Variants in CEP83 observed in about 807,000 individuals in gnomAD.
CEP83 encodes centrosomal protein 83, also known as centrosomal protein of 83 kDa.
A neutral mutation model predicts 101.9 loss-of-function variants in CEP83; 70 were observed. That is an observed-to-expected ratio of 0.69 (90% confidence interval 0.57 to 0.84). CEP83 has a LOEUF of 0.84. Ranked by LOEUF, CEP83 falls within the 40% of genes least tolerant of loss-of-function variation. The pLI, the probability that CEP83 is intolerant of heterozygous loss-of-function variation, is 0.00. For synonymous variants in CEP83, 264 were observed against 267.9 expected, an observed-to-expected ratio of 0.99 and a Z score of 0.14; for missense variants, 715 against 787.2, an observed-to-expected ratio of 0.91 and a Z score of 1.10.
intron 1 of CEP83, among the ~76,000 whole-genome samples, chr12:94,442,762 T>C (rs766606328): frequency 2.6e-5 from 4 of 152,288 alleles, no homozygotes; most frequent in Non-Finnish European, 4.4e-5. Context: ...AATTTTCTAC[T>C]TGTCTCCTTA....
chr12:94,459,298 G>C (rs1004461583), intron 1 of CEP83, among the ~76,000 whole-genome samples: 7 of 152,162 alleles, frequency 4.6e-5, no homozygotes, highest in African/African-American at 1.4e-4. Context: ...TGGTAGCATA[G>C]CTTTTTCATC....
At chr12:94,279,311 T>C in the CEP83 span, among the ~76,000 whole-genome samples, 1 of 152,220 alleles carries the variant, frequency 6.6e-6, no homozygotes, top group African/African-American at 2.4e-5. Flanking sequence ...CTGAAAAGAA[T>C]GGATTATGGA....
chr12:94,452,958 C>G (rs77102695), intron 1 of CEP83, among the ~76,000 whole-genome samples: 1 of 152,168 alleles, frequency 6.6e-6, no homozygotes, highest in East Asian at 1.9e-4. Context: ...TCCTCTGTTA[C>G]GCTGCTAAAC....
intron 1 of CEP83, among the ~76,000 whole-genome samples, chr12:94,436,964 G>A (rs1267470277): frequency 3.9e-5 from 6 of 152,086 alleles, no homozygotes; most frequent in African/African-American, 1.2e-4. Flanking sequence ...CCCTAAGGAA[G>A]AAGAGAAATC....
At chr12:94,444,497 A>G (rs1005467219) in intron 1 of CEP83, among the ~76,000 whole-genome samples, 6 of 152,252 alleles carry the variant, frequency 3.9e-5, no homozygotes, top group African/African-American at 1.2e-4. Context: ...CTTTTCATTT[A>G]GTAATTCTAA....
At chr12:94,434,687 G>C (rs1481277007) in intron 2 of CEP83, among the ~76,000 whole-genome samples, 1 of 152,152 alleles carries the variant, frequency 6.6e-6, no homozygotes, top group African/African-American at 2.4e-5. Context: ...TCAGATTTTA[G>C]AATATTTGCA....
At chr12:94,287,019 G>C in the CEP83 span, among the ~76,000 whole-genome samples, 16,953 of 152,236 alleles carry the variant, frequency 0.11, 1,119 homozygotes, top group Non-Finnish European at 0.14. Context: ...CAGCACCGGG[G>C]AATTGCTTTC....
At chr12:94,297,049 G>A in the CEP83 span, 5 of 735,370 alleles carry the variant, frequency 6.8e-6, no homozygotes, top group East Asian at 1.2e-4. Flanking sequence ...GGGGAAAAAT[G>A]TAGCTATGGA....
In CEP83 at chr12:94,331,289, G is replaced by GAAA. The variant is rs568464808; in HGVS notation, c.1707+408_1707+410dup. ...CTGGGTGATGGGAGTCAGACTCTCAGAAAAAAAAAAAAAAAAAAAAAAAAA... is the reference window on the plus strand; with the variant it reads ...CTGGGTGATGGGAGTCAGACTCTCAGAAAAAAAAAAAAAAAAAAAAAAAAAAAA... On this transcript the variant is annotated intron_variant, in intron 14 of 16. Transcript: ENST00000397809. Among the ~76,000 whole-genome samples, 6 of 43,818 alleles carry GAAA rather than the reference G, an allele frequency of 1.4e-4. 1 individual carries two copies. Among genetic ancestry groups the GAAA allele is most frequent in the South Asian group, 1.2e-3 (1 of 834 alleles). The allele number at this position is 43,818 out of a possible 152,430, so 28.7% of individuals were successfully genotyped here. A position where few individuals can be genotyped will look rare whatever the true frequency, so the allele number is the denominator to read the frequency against.
the CEP83 span, among the ~76,000 whole-genome samples, chr12:94,278,683 T>C: frequency 6.6e-6 from 1 of 152,190 alleles, no homozygotes; most frequent in South Asian, 2.1e-4. Context: ...GTTCCTGTAA[T>C]TAATGCTGCA....
chr12:94,282,040 T>G, the CEP83 span: 1 of 390,860 alleles, frequency 2.6e-6, no homozygotes. Context: ...TCGTCCCTCA[T>G]AGAATGCATT....
intron 1 of CEP83, among the ~76,000 whole-genome samples, chr12:94,444,128 G>A (rs2066622782): frequency 6.6e-6 from 1 of 152,192 alleles, no homozygotes; most frequent in Non-Finnish European, 1.5e-5. Flanking sequence ...GCCGGGCGTG[G>A]TGGCTCACGC....
At chr12:94,350,947 C>T (rs535036226) in intron 11 of CEP83, among the ~76,000 whole-genome samples, 2 of 152,154 alleles carry the variant, frequency 1.3e-5, no homozygotes, top group East Asian at 1.9e-4. Context: ...ATCAAAAAAA[C>T]ATGAGGAAGA....
chr12:94,395,782 C>T (rs1392736330), intron 6 of CEP83, among the ~76,000 whole-genome samples: 3 of 152,204 alleles, frequency 2.0e-5, no homozygotes, highest in Non-Finnish European at 4.4e-5. Flanking sequence ...GATGGCGCCG[C>T]TGCGCTCCAG....
chr12:94,314,544 C>A (rs562522105), intron 14 of CEP83, among the ~76,000 whole-genome samples: 33 of 152,198 alleles, frequency 2.2e-4, no homozygotes, highest in Admixed American at 3.3e-4. Flanking sequence ...AGATATACTT[C>A]ATTCATTCCC....
chr12:94,270,131 C>T, the CEP83 span, among the ~76,000 whole-genome samples: 2 of 152,180 alleles, frequency 1.3e-5, no homozygotes, highest in Admixed American at 6.5e-5. Flanking sequence ...TATCACAAGT[C>T]ATGGCGGAGA....
intron 11 of CEP83, among the ~76,000 whole-genome samples, chr12:94,342,469 C>T (rs2059724559): frequency 1.3e-5 from 2 of 152,156 alleles, no homozygotes; most frequent in Admixed American, 6.5e-5. Flanking sequence ...AGAAAATGCC[C>T]AAAACCTCAA....
At chr12:94,382,960 T>C (rs2061933015) in intron 6 of CEP83, among the ~76,000 whole-genome samples, 1 of 152,056 alleles carries the variant, frequency 6.6e-6, no homozygotes, top group Admixed American at 6.6e-5. Context: ...GAGAGAGGGG[T>C]ATGAAGTCAC....
the CEP83 span, chr12:94,297,520 C>T: frequency 1.2e-6 from 1 of 824,976 alleles, no homozygotes; most frequent in Non-Finnish European, 2.0e-6. Flanking sequence ...TTACAAATCC[C>T]TTGTGCCTTC....
Sources: allele counts gnomAD v4.1 joint callset (sites outside exome capture counted in the v4.1 genomes callset), GRCh38; gene constraint gnomAD v4.1.1; transcripts MANE v1.5; gene names NCBI Gene and HGNC (gene_info 2026-07-23, HGNC 2026-07-21).